The following ZPBP variants were observed in gnomAD, a reference collection of about 807,000 sequenced individuals.
ZPBP encodes zona pellucida binding protein, also known as zona pellucida-binding protein 1.
In ZPBP, 26 loss-of-function variants were observed where a neutral mutation model predicts 44.8. That is an observed-to-expected ratio of 0.58 (90% CI 0.43 to 0.81). The LOEUF is 0.81. ZPBP is among the 30% of genes least tolerant of loss of function. The probability of loss-of-function intolerance (pLI) is 0.00; values close to 1 mark genes in which losing one functional copy is unlikely to be tolerated. For synonymous variants in ZPBP, 174 were observed against 153.2 expected, an observed-to-expected ratio of 1.14 and a Z score of -1.00; for missense variants, 409 against 434.0, an observed-to-expected ratio of 0.94 and a Z score of 0.51.
At chr7:49,845,566 G>A (rs1412981964), downstream of ZPBP, among the ~76,000 whole-genome samples, 2 of 152,224 alleles carry the variant, frequency 1.3e-5, no homozygotes, top group South Asian at 2.1e-4. Flanking sequence ...TTGGTCAGAT[G>A]CTAACACAAT....
At chr7:49,959,150 A>G (rs141961953) in intron 7 of ZPBP, among the ~76,000 whole-genome samples, 1 of 152,122 alleles carries the variant, frequency 6.6e-6, no homozygotes, top group Non-Finnish European at 1.5e-5. Context: ...ACCATACTTA[A>G]AAGTGAAAGA....
At chr7:49,883,244 G>A (rs891914910) in intron 2 of ZPBP, among the ~76,000 whole-genome samples, 1 of 152,102 alleles carries the variant, frequency 6.6e-6, no homozygotes, top group East Asian at 1.9e-4. Context: ...ACCCAGGGAG[G>A]CGTCTTTCCA....
chr7:49,919,371 G>A (rs1298019550), intron 1 of ZPBP: 1 of 152,102 alleles, frequency 6.6e-6, no homozygotes, highest in Non-Finnish European at 1.5e-5. Flanking sequence ...TTGCATTAAA[G>A]TCATAAACTT....
At chr7:49,941,039 T>C (rs1373764666) in intron 7 of ZPBP, among the ~76,000 whole-genome samples, 1 of 152,036 alleles carries the variant, frequency 6.6e-6, no homozygotes, top group Non-Finnish European at 1.5e-5. Flanking sequence ...GGACCAAGCA[T>C]AAGAAAAGAT....
At chr7:49,868,758 C>T (rs560561516) in intron 2 of ZPBP, among the ~76,000 whole-genome samples, 117 of 152,282 alleles carry the variant, frequency 7.7e-4, no homozygotes, top group African/African-American at 2.6e-3. Context: ...GATGGGATTA[C>T]AGGCGTGTGC....
chr7:49,971,446 C>T (rs1246942554), intron 7 of ZPBP, among the ~76,000 whole-genome samples: 1 of 152,024 alleles, frequency 6.6e-6, no homozygotes, highest in African/African-American at 2.4e-5. Flanking sequence ...TGATTTTATA[C>T]AAACAGAAAG....
intron 2 of ZPBP, among the ~76,000 whole-genome samples, chr7:49,894,111 G>A (rs575981472): frequency 4.9e-4 from 75 of 152,122 alleles, no homozygotes; most frequent in Middle Eastern, 3.4e-3. Flanking sequence ...TTCTGGAAGG[G>A]GAGGAGATAT....
intron 2 of ZPBP, among the ~76,000 whole-genome samples, chr7:49,862,298 G>GC (rs1040987130): frequency 6.7e-6 from 1 of 149,560 alleles, no homozygotes; most frequent in African/African-American, 2.6e-5. Flanking sequence ...TAGAAAAACA[G>GC]CCTTTTTTTG....
chr7:49,987,442 G>C (rs745561485), intron 6 of ZPBP, among the ~76,000 whole-genome samples: 4 of 152,034 alleles, frequency 2.6e-5, no homozygotes, highest in Non-Finnish European at 4.4e-5. Context: ...GGAATCCTTG[G>C]GAAAAACAGA....
the ZPBP span, among the ~76,000 whole-genome samples, chr7:49,841,559 C>T: frequency 8.3e-4 from 127 of 152,290 alleles, no homozygotes; most frequent in Non-Finnish European, 1.6e-3. Flanking sequence ...TATAACAAAT[C>T]GCCAGATATA....
At chr7:49,941,754 AT>A (rs370955033) in intron 7 of ZPBP, among the ~76,000 whole-genome samples, 48 of 151,412 alleles carry the variant, frequency 3.2e-4, no homozygotes, top group African/African-American at 9.0e-4. Flanking sequence ...TCCCAATAAC[AT>A]TTTTTTTTGT....
intron 6 of ZPBP, among the ~76,000 whole-genome samples, chr7:50,012,285 G>C (rs1466361909): frequency 2.0e-5 from 3 of 152,014 alleles, no homozygotes; most frequent in Non-Finnish European, 4.4e-5. Flanking sequence ...ATGTACTTCA[G>C]ATATAATTAC....
intron 3 of ZPBP, among the ~76,000 whole-genome samples, chr7:50,069,137 A>G (rs1003698355): frequency 3.3e-5 from 5 of 152,082 alleles, no homozygotes; most frequent in Non-Finnish European, 5.9e-5. Flanking sequence ...TCTCCTTCTC[A>G]TGTGAGATTG....
chr7:50,024,805 C>T (rs1317226198), intron 5 of ZPBP, among the ~76,000 whole-genome samples: 1 of 151,890 alleles, frequency 6.6e-6, no homozygotes, highest in Admixed American at 6.6e-5. Flanking sequence ...ATGCTAAAAA[C>T]TTGCAAGAAG....
chr7:49,981,179 T>C (rs1236073847), intron 7 of ZPBP, among the ~76,000 whole-genome samples: 1 of 132,504 alleles, frequency 7.5e-6, no homozygotes, highest in Admixed American at 8.7e-5. Flanking sequence ...TCAGTGATTA[T>C]TTCTATCATA....
At chr7:50,084,292 T>C (rs539127644) in intron 2 of ZPBP, among the ~76,000 whole-genome samples, 74 of 150,676 alleles carry the variant, frequency 4.9e-4, no homozygotes, top group African/African-American at 1.5e-3. Context: ...TCAGGTCCTA[T>C]GATGCTAAAA....
chr7:49,864,021 T>C (rs1475073769), intron 2 of ZPBP, among the ~76,000 whole-genome samples: 1 of 152,222 alleles, frequency 6.6e-6, no homozygotes, highest in Non-Finnish European at 1.5e-5. Context: ...TTGTTTATTA[T>C]AGTGTGGTAA....
At chr7:50,084,182 G>A (rs1208480779) in intron 2 of ZPBP, among the ~76,000 whole-genome samples, 1 of 151,894 alleles carries the variant, frequency 6.6e-6, no homozygotes, top group African/African-American at 2.4e-5. Flanking sequence ...ATTTTGTGCT[G>A]ATAAGGATGT....
rs9785027 is a variant in ZPBP, at chr7:50,092,177, T to C, written c.127+891A>G. Among the ~76,000 whole-genome samples, 210 of 152,316 alleles carry C rather than the reference T, an allele frequency of 1.4e-3. 3 individuals carry two copies. The highest frequency in any genetic ancestry group is 4.8e-3 in the African/African-American group (201 of 41,568). Reference sequence around the variant, plus strand: ...TTTAAAATAAAAACCCTTTCACACCTAATACACGACCACGACCCATATCCA... The same window carrying C: ...TTTAAAATAAAAACCCTTTCACACCCAATACACGACCACGACCCATATCCA... On this transcript the variant is annotated intron_variant, in intron 1 of 7. Coordinates refer to ENST00000046087, the MANE Select transcript of ZPBP (RefSeq NM_007009.3).
Sources: allele counts gnomAD v4.1 joint callset (sites outside exome capture counted in the v4.1 genomes callset), GRCh38; gene constraint gnomAD v4.1.1; transcripts MANE v1.5; gene names NCBI Gene and HGNC (gene_info 2026-07-23, HGNC 2026-07-21).